Variants in FBLIM1 observed in about 807,000 individuals in gnomAD.
FBLIM1 encodes filamin-binding LIM protein 1.
Under a neutral mutation model 37.4 loss-of-function variants are expected in FBLIM1, and 29 were observed. The ratio of observed to expected loss-of-function variants is 0.77; its 90% confidence interval spans 0.58 to 1.06. The LOEUF (loss-of-function observed/expected upper bound fraction) is 1.06. FBLIM1 is among the 50% of genes least tolerant of loss of function. The pLI is 0.00. For missense variants in FBLIM1, 449 were observed against 505.6 expected (o/e 0.89, Z 1.07); for synonymous variants, 193 against 199.0 (o/e 0.97, Z 0.25).
At chr1:15,766,890 G>A (rs1261427064) in intron 3 of FBLIM1, among the ~76,000 whole-genome samples, 1 of 97,954 alleles carries the variant, frequency 1.0e-5, no homozygotes, top group African/African-American at 3.3e-5. Context: ...ACTGCACCCG[G>A]CTTTTTTTTT....
intron 3 of FBLIM1, among the ~76,000 whole-genome samples, chr1:15,766,010 AAC>A (rs1364603078): frequency 2.0e-5 from 3 of 152,172 alleles, no homozygotes; most frequent in Non-Finnish European, 4.4e-5. Context: ...GGCCTGTACC[AAC>A]ACAGTCACTG....
In FBLIM1 at chr1:15,777,275, C is replaced by A; in HGVS notation, c.996C>A (p.Cys332Ter). The A allele has an allele frequency of 6.2e-7, 1 of 1,612,430 alleles. No homozygotes were observed. The highest frequency in any genetic ancestry group is 8.5e-7 in the Non-Finnish European group (1 of 1,178,622). The change falls in exon 8 of 9, where the codon TGC (cysteine) becomes TGA (stop). Residue 332 changes from cysteine to a stop codon, truncating the protein, a stop_gained. Coordinates refer to ENST00000375766, the MANE Select transcript of FBLIM1 (RefSeq NM_017556.4). LOFTEE classifies it high-confidence loss of function. ...ECMGRNFHENCYRCEDCRILL... is the reference protein window; with the variant it reads ...ECMGRNFHEN ...TGGGAAGAAACTTCCATGAAAATTG[C>A]TACAGGTGTGAGGTGAGTGGAGCCT...
rs951754883 is a variant in FBLIM1, at chr1:15,768,768, C to A, written c.541+138C>A. On this transcript the variant is annotated intron_variant, in intron 5 of 8. Transcript: ENST00000375766. ...GTTAACAATGATGGGCTTTGTAGTT[C>A]GGCATCCATTTAATTTGTATTGCTT... The A allele has an allele frequency of 5.8e-6, 3 of 515,550 alleles. No individual in the cohort carries two copies. The Admixed American group carries it at 1.3e-4, about 22-fold the overall frequency. The allele number at this position is 515,550 out of a possible 1,614,324, so 31.9% of individuals were successfully genotyped here. A position where few individuals can be genotyped will look rare whatever the true frequency, so the allele number is the denominator to read the frequency against.
chr1:15,764,716 G>A (rs1569737955), intron 2 of FBLIM1, 31 bp downstream of exon 2: 1 of 520,256 alleles, frequency 1.9e-6, no homozygotes, highest in Non-Finnish European at 3.4e-6. Flanking sequence ...CCCTAGGTGT[G>A]CAGGTTCGGG....
rs375136853 is a variant in FBLIM1 at position 15,767,341 on chromosome 1, G to A, written c.251-35G>A. The stretch of plus-strand genomic sequence containing the variant: ...AAAACCCTCCCAGGTCCACCTGGGA[G>A]GCTCTGACCAGCCCTCTCTCCTCCC... On this transcript the variant is annotated intron_variant, in intron 3 of 8. Transcript: ENST00000375766. The A allele has an allele frequency of 4.0e-6, 6 of 1,511,608 alleles. No homozygotes were observed. In the African/African-American group the frequency reaches 8.7e-5, roughly 22 times the overall value. 93.6% of individuals were successfully genotyped at this position (1,511,608 alleles called of 1,614,324 possible).
Position 15,767,445 on chromosome 1 carries a change from C to A in FBLIM1, c.320C>A (p.Pro107His). 3 of 1,564,142 alleles carry A rather than the reference C, an allele frequency of 1.9e-6. No individual in the cohort carries two copies. The highest frequency in any genetic ancestry group is 2.6e-6 in the Non-Finnish European group (3 of 1,148,356). The part of the protein sequence containing the change: ...VLPDLDLLPP[P>H]PPPPPVLLPS... Reference sequence around the variant, plus strand: ...CCTGACCTGGACCTCCTCCCACCCCCTCCACCGCCCCCTCCAGTGCTTCTG... The same window carrying A: ...CCTGACCTGGACCTCCTCCCACCCCATCCACCGCCCCCTCCAGTGCTTCTG... The change falls in exon 4 of 9, where the codon CCT becomes CAT. Residue 107 changes from proline (P) to histidine (H), a missense_variant. Coordinates refer to ENST00000375766, the MANE Select transcript of FBLIM1 (RefSeq NM_017556.4).
rs757789065 is a variant in FBLIM1 at position 15,765,202 on chromosome 1, G to T, written c.219G>T (p.Val73=). The T allele has an allele frequency of 2.5e-6, 4 of 1,613,672 alleles. No individual in the cohort carries two copies. The change falls in exon 3 of 9, where the codon GTG becomes GTT. Residue 73 remains valine (V), a synonymous_variant. Coordinates refer to ENST00000375766, the MANE Select transcript of FBLIM1 (RefSeq NM_017556.4). The surrounding 1 kb of genome is among the most constrained non-coding windows in gnomAD (Gnocchi z 5.9). ...CCCCTGGCAGAGCTGCAGCCACAGTGCCGGCTGCACCTATGCAGCTCTTCA... is the reference window on the plus strand; with the variant it reads ...CCCCTGGCAGAGCTGCAGCCACAGTTCCGGCTGCACCTATGCAGCTCTTCA... ...WTTPGRAAAT[V]PAAPMQLFNG... is the part of the protein sequence containing the mutation.
rs146575757 is a variant in FBLIM1 at position 15,765,096 on chromosome 1, G to A, written c.113G>A (p.Arg38Gln). The A allele has an allele frequency of 2.5e-3, 4,019 of 1,613,872 alleles. 24 individuals are homozygous for A. The highest frequency in any genetic ancestry group is 0.013 in the South Asian group (1,154 of 91,078). ...EEVRQAVCEARRGRPWEAPAP... is the reference protein window; with the variant it reads ...EEVRQAVCEAQRGRPWEAPAP... ...GTGAGGCAGGCAGTTTGTGAGGCCC[G>A]GCGTGGCCGCCCCTGGGAGGCTCCT... The change falls in exon 3 of 9, where the codon CGG becomes CAG. Residue 38 changes from arginine (R) to glutamine (Q), a missense_variant. By Grantham distance (43) the Arg-to-Gln change is conservative (BLOSUM62 1). Transcript: ENST00000375766. This position sits in a 1 kb window ranked among gnomAD's most constrained non-coding sequence, Gnocchi z 5.9.
chr1:15,761,151 C>T (rs916377824), intron 1 of FBLIM1, among the ~76,000 whole-genome samples: 2 of 152,160 alleles, frequency 1.3e-5, no homozygotes, highest in South Asian at 2.1e-4. Flanking sequence ...AGGGCCATCC[C>T]GAAGCCCCAC....
rs2068520863 is a variant in FBLIM1, at chr1:15,758,840, G to A, written c.-219G>A. On this transcript the variant is annotated 5_prime_UTR_variant, in exon 1 of 9. Transcript: ENST00000375766. The surrounding 1 kb of genome is among the most constrained non-coding windows in gnomAD (Gnocchi z 6.2). ...TCGGATCGGAGCCGCCGGGGCGCGGGCGGCCCAGGTAAGCGGGCCGGGTGG... is the reference window on the plus strand; with the variant it reads ...TCGGATCGGAGCCGCCGGGGCGCGGACGGCCCAGGTAAGCGGGCCGGGTGG... 3.3e-5 allele frequency: 5 copies of A among 150,838 alleles called. No homozygotes were observed. Among genetic ancestry groups the A allele is most frequent in the Admixed American group, 3.3e-4 (5 of 15,212 alleles). 9.3% of individuals were successfully genotyped at this position (150,838 alleles called of 1,614,324 possible).
rs1380158381 is a variant in FBLIM1 at position 15,784,560 on chromosome 1, C to G, written c.1021C>G (p.Leu341Val). 2.5e-6 allele frequency: 4 copies of G among 1,613,790 alleles called. No individual in the cohort carries two copies. The highest frequency in any genetic ancestry group is 3.4e-6 in the Non-Finnish European group (4 of 1,179,828). Residue 341 changes from leucine (L) to valine (V), a missense_variant, in exon 9 of 9, where the codon CTC becomes GTC. By Grantham distance (32) the Leu-to-Val change is conservative. Transcript: ENST00000375766. ...TTTGTCTCCCCAGGACTGCAGGATC[C>G]TCCTGTCTGTCGAGCCCACGGACCA... ...NCYRCEDCRI[L>V]LSVEPTDQGC...
At position 15,765,099 on chromosome 1, in the gene FBLIM1, G is replaced by A. The variant is rs137861374; in HGVS notation, c.116G>A (p.Arg39His). The change falls in exon 3 of 9, where the codon CGT becomes CAT. Residue 39 changes from arginine (R) to histidine (H), a missense_variant. By Grantham distance (29) the Arg-to-His change is conservative (BLOSUM62 0). Coordinates refer to ENST00000375766, the MANE Select transcript of FBLIM1 (RefSeq NM_017556.4). The surrounding 1 kb of genome is among the most constrained non-coding windows in gnomAD (Gnocchi z 5.9). Reference sequence around the variant, plus strand: ...AGGCAGGCAGTTTGTGAGGCCCGGCGTGGCCGCCCCTGGGAGGCTCCTGCC... The same window carrying A: ...AGGCAGGCAGTTTGTGAGGCCCGGCATGGCCGCCCCTGGGAGGCTCCTGCC... ...EVRQAVCEAR[R>H]GRPWEAPAPM... 1.3e-5 allele frequency: 21 copies of A among 1,613,726 alleles called. No homozygotes were observed. The African/African-American group carries it at 1.7e-4, about 13-fold the overall frequency.
At chr1:15,763,841 T>C (rs902933268) in intron 1 of FBLIM1, among the ~76,000 whole-genome samples, 8 of 151,990 alleles carry the variant, frequency 5.3e-5, no homozygotes, top group Non-Finnish European at 1.2e-4. Flanking sequence ...GGTTTCACCA[T>C]GTTGGCAGGG....
intron 6 of FBLIM1, 67 bp downstream of exon 6, chr1:15,770,645 T>C: frequency 6.4e-7 from 1 of 1,550,388 alleles, no homozygotes; most frequent in Non-Finnish European, 8.8e-7. Context: ...GTTGCACCAT[T>C]TCATTCCCCA....
chr1:15,774,516 C>G, intron 6 of FBLIM1, 102 bp from the exon 7 acceptor site: 1 of 1,471,518 alleles, frequency 6.8e-7, no homozygotes, highest in Non-Finnish European at 9.1e-7. Flanking sequence ...TCCTGTACTT[C>G]CCAGTTCCTG....
intron 3 of FBLIM1, among the ~76,000 whole-genome samples, chr1:15,767,057 A>AT (rs1026802248): frequency 4.8e-4 from 73 of 151,630 alleles, no homozygotes; most frequent in African/African-American, 1.7e-3. Flanking sequence ...GCCTGGCTAC[A>AT]TTTTTTTTAA....
rs200631185 is a variant in FBLIM1, at chr1:15,785,330, C to CA, written c.*681dup. 16 of 29,728 alleles carry CA rather than the reference C, an allele frequency of 5.4e-4. No individual in the cohort carries two copies. The highest frequency in any genetic ancestry group is 4.4e-3 in the East Asian group (7 of 1,604). 1.8% of individuals were successfully genotyped at this position (29,728 alleles called of 1,614,324 possible). The stretch of plus-strand genomic sequence containing the variant: ...GGGCAACAAGAGGGAAACTCCGTCT[C>CA]AAAAAAAAAAAAGTGCCTTTTAGGC... On this transcript the variant is annotated 3_prime_UTR_variant, in exon 9 of 9. Transcript: ENST00000375766.
At chr1:15,769,202 C>T (rs1264714962) in intron 5 of FBLIM1, among the ~76,000 whole-genome samples, 7 of 152,086 alleles carry the variant, frequency 4.6e-5, no homozygotes, top group Non-Finnish European at 8.8e-5. Context: ...CCTGGCTGAG[C>T]GTGGTGGCTC....
At chr1:15,760,026 C>A (rs1283814587) in intron 1 of FBLIM1, among the ~76,000 whole-genome samples, 2 of 151,694 alleles carry the variant, frequency 1.3e-5, no homozygotes, top group Non-Finnish European at 2.9e-5. Context: ...GAGTTGGAGA[C>A]CAGCCTGGCC....
Sources: gnomAD v4.1 joint callset for allele counts (sites outside exome capture counted in the v4.1 genomes callset) on GRCh38, gnomAD v4.1.1 for gene constraint, Gnocchi (gnomAD v3.1) non-coding constraint, MANE v1.5 for transcripts, NCBI Gene and HGNC (gene_info 2026-07-23, HGNC 2026-07-21) for gene names.